UGT1A3: variants seen among roughly 807,000 people sequenced by gnomAD.
The protein encoded by UGT1A3 is UDP glucuronosyltransferase family 1 member A3.
A neutral mutation model predicts 41.0 loss-of-function variants in UGT1A3; 31 were observed. That is an observed-to-expected ratio of 0.76 (90% CI 0.57 to 1.02). The LOEUF (loss-of-function observed/expected upper bound fraction) is 1.02. Ranked by LOEUF, UGT1A3 falls within the 50% of genes least tolerant of loss-of-function variation. The pLI, the probability that UGT1A3 is intolerant of heterozygous loss-of-function variation, is 0.00. For synonymous variants in UGT1A3, 262 were observed against 257.6 expected, an observed-to-expected ratio of 1.02 and a Z score of -0.17; for missense variants, 737 against 671.0, an observed-to-expected ratio of 1.10 and a Z score of -1.09.
chr2:233,759,854 G>T (rs1017536593), intron 1 of UGT1A3, among the ~76,000 whole-genome samples: 2 of 152,182 alleles, frequency 1.3e-5, no homozygotes, highest in African/African-American at 4.8e-5. Context: ...AGGTTTCCAT[G>T]GCGAAAGCGG....
intron 1 of UGT1A3, chr2:233,753,221 C>G (rs1559397626): frequency 6.6e-6 from 1 of 152,156 alleles, no homozygotes; most frequent in East Asian, 1.9e-4. Context: ...TATTTTGATA[C>G]TTCTTGTATA....
At chr2:233,747,425 A>T in intron 1 of UGT1A3, 8 of 1,445,640 alleles carry the variant, frequency 5.5e-6, no homozygotes, top group Non-Finnish European at 7.7e-6. Flanking sequence ...ACATCAAACA[A>T]GAGAAATTTT....
intron 1 of UGT1A3, chr2:233,741,852 C>A (rs961100244): frequency 4.0e-5 from 6 of 151,852 alleles, no homozygotes; most frequent in Admixed American, 6.5e-5. Flanking sequence ...TGCTCTCATG[C>A]CTTATGCAAA....
At chr2:233,738,799 A>T (rs560020824) in intron 1 of UGT1A3, among the ~76,000 whole-genome samples, 1 of 152,338 alleles carries the variant, frequency 6.6e-6, no homozygotes, top group African/African-American at 2.4e-5. Flanking sequence ...ATGCAGAAAT[A>T]CTAGCTAAAG....
intron 1 of UGT1A3, chr2:233,739,055 G>T (rs995568574): frequency 1.3e-5 from 2 of 152,274 alleles, no homozygotes; most frequent in Admixed American, 6.5e-5. Context: ...TCAGGCCATT[G>T]CTTCAGAGGG....
At chr2:233,743,099 A>T (rs1692202324) in intron 1 of UGT1A3, 1 of 352,144 alleles carries the variant, frequency 2.8e-6, no homozygotes, top group Non-Finnish European at 5.6e-6. Flanking sequence ...ATTCTTGGGT[A>T]CAGCTGTTCT....
intron 1 of UGT1A3, chr2:233,761,181 G>A (rs539737168): frequency 1.9e-5 from 31 of 1,614,124 alleles, no homozygotes; most frequent in East Asian, 2.2e-5. Flanking sequence ...TTTTACATGC[G>A]TATATTCTTT....
intron 1 of UGT1A3, among the ~76,000 whole-genome samples, chr2:233,740,479 C>T (rs1387993286): frequency 6.6e-6 from 1 of 151,850 alleles, no homozygotes; most frequent in East Asian, 1.9e-4. Context: ...AGGATCATTC[C>T]CTCTTCCAGA....
intron 1 of UGT1A3, among the ~76,000 whole-genome samples, chr2:233,764,353 CCTCATAGTAGCTGG>C (rs1280586461): frequency 1.6e-4 from 25 of 152,240 alleles, no homozygotes; most frequent in Non-Finnish European, 2.8e-4. Context: ...CTTTATTGAG[CCTCATAGTAGCTGG>C]CTCAGGTAGG....
At chr2:233,754,276 G>C (rs906718442) in intron 1 of UGT1A3, 1 of 190,364 alleles carries the variant, frequency 5.3e-6, no homozygotes, top group Non-Finnish European at 1.1e-5. Context: ...AAAGTGCTGA[G>C]ATGAACATTC....
chr2:233,760,523 A>G lies in UGT1A3; in HGVS notation c.868-6511A>G, dbSNP rs1697475352. 6.2e-7 allele frequency: 1 copy of G among 1,614,204 alleles called. No individual in the cohort carries two copies. The highest frequency in any genetic ancestry group is 8.5e-7 in the Non-Finnish European group (1 of 1,180,040). On this transcript the variant is annotated intron_variant, in intron 1 of 4. Coordinates refer to ENST00000482026, the MANE Select transcript of UGT1A3 (RefSeq NM_019093.4). ...GGAGCATTTTACACCTTGAAGACGT[A>G]CCCTGTGCCATTCCAAAGGGAGGAT...
intron 1 of UGT1A3, among the ~76,000 whole-genome samples, chr2:233,735,103 C>T (rs4467260): frequency 0.55 from 84,293 of 151,900 alleles, 25,602 homozygotes; most frequent in African/African-American, 0.82. Context: ...TGTCTAATAT[C>T]GACAGTGGGA....
chr2:233,757,137 G>T (rs1343266624), intron 1 of UGT1A3, among the ~76,000 whole-genome samples: 1 of 151,428 alleles, frequency 6.6e-6, no homozygotes, highest in Non-Finnish European at 1.5e-5. Flanking sequence ...AATGAGCTTG[G>T]ACAGGTGGGC....
rs2077785195 is a variant in UGT1A3 at position 233,729,075 on chromosome 2, G to A, written c.-52G>A. The A allele has an allele frequency of 1.2e-6, 2 of 1,611,914 alleles. No homozygotes were observed. The highest frequency in any genetic ancestry group is 2.2e-5 in the East Asian group (1 of 44,874). On this transcript the variant is annotated 5_prime_UTR_variant, in exon 1 of 5. An upstream start codon of the reference 5' UTR is lost. Transcript: ENST00000482026. ...GGTAATTAAGATGAAGAAAGCAAAT[G>A]TAGCAGGCACAGCGTGGGGTGGACA... is the stretch of plus-strand genomic sequence containing the variant.
rs1700550543 is a variant in UGT1A3, at chr2:233,772,835, G to A, written c.*276G>A. ...GACGTGCAGACAGGCTGGCATTCTA[G>A]ATTACTTTTCTTACTCTGAAACATG... On this transcript the variant is annotated 3_prime_UTR_variant, in exon 5 of 5. Transcript: ENST00000482026. 1.1e-6 allele frequency: 1 copy of A among 887,832 alleles called. No individual in the cohort carries two copies. Among genetic ancestry groups the A allele is most frequent in the Non-Finnish European group, 1.6e-6 (1 of 638,112 alleles). The allele number at this position is 887,832 out of a possible 1,614,324, so 55.0% of individuals were successfully genotyped here. A position where few individuals can be genotyped will look rare whatever the true frequency, so the allele number is the denominator to read the frequency against.
chr2:233,755,562 G>A (rs185113714), intron 1 of UGT1A3: 366 of 159,838 alleles, frequency 2.3e-3, no homozygotes, highest in Non-Finnish European at 4.3e-3. Flanking sequence ...GGGAAAAAGA[G>A]GTTGGGGAAA....
Sources: gnomAD v4.1 joint callset for allele counts (sites outside exome capture counted in the v4.1 genomes callset) on GRCh38, gnomAD v4.1.1 for gene constraint, MANE v1.5 for transcripts, NCBI Gene and HGNC (gene_info 2026-07-23, HGNC 2026-07-21) for gene names.